Variants in GRID2 observed in about 807,000 individuals in gnomAD.
GRID2 encodes the protein glutamate ionotropic receptor delta type subunit 2, also known as glutamate receptor ionotropic, delta-2.
In GRID2, 33 loss-of-function variants were observed where a neutral mutation model predicts 114.8. That is an observed-to-expected ratio of 0.29 (90% CI 0.22 to 0.38). GRID2 has a LOEUF of 0.38. Among genes scored for constraint, GRID2 ranks in the 10% least tolerant of loss-of-function variants. The pLI, the probability that GRID2 is intolerant of heterozygous loss-of-function variation, is 1.00. For synonymous variants in GRID2, 505 were observed against 449.9 expected, an observed-to-expected ratio of 1.12 and a Z score of -1.55; for missense variants, 1,184 against 1,257.7, an observed-to-expected ratio of 0.94 and a Z score of 0.89.
At chr4:92,543,322 G>T (rs1726072723) in intron 1 of GRID2, among the ~76,000 whole-genome samples, 2 of 152,078 alleles carry the variant, frequency 1.3e-5, no homozygotes, top group Non-Finnish European at 2.9e-5. Flanking sequence ...GAACAGTCTA[G>T]AGAATAAGAA....
In GRID2 at chr4:92,996,373, TTATCA is replaced by T. The variant is rs200983263; in HGVS notation, c.245-88613_245-88609del. On this transcript the variant is annotated intron_variant, in intron 2 of 15. Transcript: ENST00000282020. ...CTAAAAGGTTTTTAATTATTTATTT[TTATCA>T]TATCATATTATACATATGTTTGCCC... Among the ~76,000 whole-genome samples, 1,219 of 152,294 alleles carry T rather than the reference TTATCA, an allele frequency of 8.0e-3. 26 individuals are homozygous for T. Among genetic ancestry groups the T allele is most frequent in the African/African-American group, 0.028 (1,169 of 41,582 alleles).
At chr4:92,707,926 A>G (rs949727616) in intron 2 of GRID2, among the ~76,000 whole-genome samples, 1 of 152,186 alleles carries the variant, frequency 6.6e-6, no homozygotes, top group Admixed American at 6.5e-5. Flanking sequence ...TAAAAAACCA[A>G]CGAACAAACT....
chr4:93,090,084 C>T (rs1465218920), intron 3 of GRID2, among the ~76,000 whole-genome samples: 2 of 152,144 alleles, frequency 1.3e-5, no homozygotes, highest in East Asian at 3.9e-4. Flanking sequence ...ATTCTTTCTA[C>T]AACGTTGTTG....
chr4:93,328,804 T>A (rs1758132166), intron 8 of GRID2, among the ~76,000 whole-genome samples: 1 of 152,180 alleles, frequency 6.6e-6, no homozygotes. Flanking sequence ...GTGGGAATAA[T>A]GTATATCAGG....
At chr4:92,580,082 C>G (rs12505567) in intron 1 of GRID2, among the ~76,000 whole-genome samples, 1 of 148,122 alleles carries the variant, frequency 6.8e-6, no homozygotes, top group African/African-American at 2.5e-5. Flanking sequence ...GTATAATTTG[C>G]TGTTATATAT....
chr4:93,636,623 G>A (rs1377173671), intron 14 of GRID2, among the ~76,000 whole-genome samples: 1 of 152,054 alleles, frequency 6.6e-6, no homozygotes, highest in Non-Finnish European at 1.5e-5. Context: ...AGGAAAATTT[G>A]ATGTCATCAA....
At chr4:92,408,438 T>TA (rs1323007300) in intron 1 of GRID2, among the ~76,000 whole-genome samples, 13 of 125,484 alleles carry the variant, frequency 1.0e-4, no homozygotes, top group Non-Finnish European at 3.4e-5. Context: ...GCTCTTTTTT[T>TA]TTTTTTTTTT....
chr4:92,359,204 T>A (rs1020209591), intron 1 of GRID2, among the ~76,000 whole-genome samples: 1 of 151,976 alleles, frequency 6.6e-6, no homozygotes, highest in African/African-American at 2.4e-5. Context: ...CAACATGTAG[T>A]GTTCTCATGT....
intron 2 of GRID2, among the ~76,000 whole-genome samples, chr4:92,836,036 CTG>C (rs1241900403): frequency 6.6e-6 from 1 of 152,138 alleles, no homozygotes; most frequent in African/African-American, 2.4e-5. Context: ...GGTCAGCAAA[CTG>C]TAGCCTGCAA....
rs528397632 is a variant in GRID2 at position 93,062,263 on chromosome 4, T to G, written c.245-22732T>G. 2.4e-4 allele frequency among the ~76,000 whole-genome samples: 36 copies of G among 152,244 alleles called. No homozygotes were observed. The South Asian group carries it at 7.3e-3, about 31-fold the overall frequency. ...TGGGAATATAATTTGATAATATATT[T>G]TTAGTGGTAAGAATTTCAGTTATTA... On this transcript the variant is annotated intron_variant, in intron 2 of 15. Transcript: ENST00000282020.
intron 8 of GRID2, among the ~76,000 whole-genome samples, chr4:93,293,723 G>A (rs187112359): frequency 3.2e-4 from 49 of 152,224 alleles, no homozygotes; most frequent in Non-Finnish European, 5.9e-5. Context: ...GTTTTTGGCT[G>A]TGTTATTAAA....
At chr4:92,446,634 A>C (rs1228008467) in intron 1 of GRID2, among the ~76,000 whole-genome samples, 1 of 152,110 alleles carries the variant, frequency 6.6e-6, no homozygotes, top group Non-Finnish European at 1.5e-5. Flanking sequence ...ACACTGTTGG[A>C]ACTTGTTTTT....
At chr4:92,907,474 C>T (rs533550987) in intron 2 of GRID2, among the ~76,000 whole-genome samples, 16 of 152,104 alleles carry the variant, frequency 1.1e-4, no homozygotes, top group Admixed American at 3.3e-4. Context: ...TGCAATGGCG[C>T]GATCTTGGCT....
chr4:92,377,158 A>G (rs575005444), intron 1 of GRID2, among the ~76,000 whole-genome samples: 1 of 152,284 alleles, frequency 6.6e-6, no homozygotes, highest in South Asian at 2.1e-4. Context: ...CTTCTCTTAT[A>G]AAACTAAATG....
intron 14 of GRID2, among the ~76,000 whole-genome samples, chr4:93,664,467 A>G (rs1723778844): frequency 6.6e-6 from 1 of 152,216 alleles, no homozygotes; most frequent in Non-Finnish European, 1.5e-5. Context: ...AAGGGCAGCA[A>G]TGTGAAGTAT....
At chr4:92,651,509 G>A (rs1295931191) in intron 2 of GRID2, among the ~76,000 whole-genome samples, 1 of 151,966 alleles carries the variant, frequency 6.6e-6, no homozygotes, top group Non-Finnish European at 1.5e-5. Flanking sequence ...CTATCCACTT[G>A]ATTATTAAAA....
rs140167847 is a variant in GRID2 at position 93,623,291 on chromosome 4, T to C, written c.2194-2978T>C. On this transcript the variant is annotated intron_variant, in intron 13 of 15. Transcript: ENST00000282020. Reference sequence around the variant, plus strand: ...CACCTACATTAGGTATTTCTCCTAATGCTATCTCTCCCCTAGCCCCCTGAC... The same window carrying C: ...CACCTACATTAGGTATTTCTCCTAACGCTATCTCTCCCCTAGCCCCCTGAC... 2.0e-3 allele frequency among the ~76,000 whole-genome samples: 308 copies of C among 151,038 alleles called. 7 individuals are homozygous for C. In the East Asian group the frequency reaches 0.045, roughly 22 times the overall value.
intron 3 of GRID2, among the ~76,000 whole-genome samples, chr4:93,092,788 A>G (rs1031991326): frequency 6.6e-6 from 1 of 151,934 alleles, no homozygotes; most frequent in African/African-American, 2.4e-5. Flanking sequence ...ATACCAAACC[A>G]CTAAGCTGTT....
intron 14 of GRID2, among the ~76,000 whole-genome samples, chr4:93,733,914 A>T (rs2110232459): frequency 6.6e-6 from 1 of 152,192 alleles, no homozygotes; most frequent in African/African-American, 2.4e-5. Context: ...CTATTTTATT[A>T]ACCTTAATTA....
Sources: allele counts gnomAD v4.1 joint callset (sites outside exome capture counted in the v4.1 genomes callset), GRCh38; gene constraint gnomAD v4.1.1; transcripts MANE v1.5; gene names NCBI Gene and HGNC (gene_info 2026-07-23, HGNC 2026-07-21).